The following MBNL2 variants were observed in gnomAD, a reference collection of about 807,000 sequenced individuals.
The protein encoded by MBNL2 is muscleblind-like protein 2.
MBNL2 carries 17 observed loss-of-function variants against 41.9 expected under a neutral mutation model. That is an observed-to-expected ratio of 0.41 (90% CI 0.28 to 0.61). MBNL2 has a LOEUF of 0.61. MBNL2 is among the 20% of genes least tolerant of loss of function. MBNL2 has a pLI of 0.35. For missense variants in MBNL2, 336 were observed against 505.6 expected (o/e 0.66, Z 3.22); for synonymous variants, 195 against 182.9 (o/e 1.07, Z -0.53).
At chr13:97,309,277 T>G (rs1221615322) in intron 2 of MBNL2, among the ~76,000 whole-genome samples, 1 of 152,184 alleles carries the variant, frequency 6.6e-6, no homozygotes, top group Non-Finnish European at 1.5e-5. Context: ...CAAGGGCAGT[T>G]GCATCACATC....
intron 8 of MBNL2, among the ~76,000 whole-genome samples, chr13:97,376,486 T>G (rs1228792648): frequency 2.0e-5 from 3 of 152,232 alleles, no homozygotes; most frequent in Non-Finnish European, 4.4e-5. Flanking sequence ...TGCTTTAGCA[T>G]CAAGAACAAA....
intron 8 of MBNL2, among the ~76,000 whole-genome samples, chr13:97,373,151 A>C (rs2064552736): frequency 6.6e-6 from 1 of 152,196 alleles, no homozygotes; most frequent in Non-Finnish European, 1.5e-5. Context: ...CAGATTACAG[A>C]AAGCAGCTGG....
the MBNL2 span, among the ~76,000 whole-genome samples, chr13:97,180,361 A>T: frequency 6.6e-6 from 1 of 152,200 alleles, no homozygotes; most frequent in South Asian, 2.1e-4. Context: ...ACCAGAAGTC[A>T]TTTGGATATA....
At chr13:97,305,044 T>C (rs1158833238) in intron 2 of MBNL2, among the ~76,000 whole-genome samples, 1 of 152,238 alleles carries the variant, frequency 6.6e-6, no homozygotes, top group Non-Finnish European at 1.5e-5. Context: ...TCTGTTGGGC[T>C]TTCTGCCCAT....
rs199606551 is a variant in MBNL2 at position 97,258,210 on chromosome 13, GT to G, written c.-604-17410del. Among the ~76,000 whole-genome samples the G allele has an allele frequency of 3.6e-3, 519 of 146,100 alleles. 2 individuals carry two copies. Among genetic ancestry groups the G allele is most frequent in the Middle Eastern group, 0.017 (5 of 288 alleles). Reference sequence around the variant, plus strand: ...ACAGAAGATATGCTTTGTTGCCAGGGTTTTTTTTTTTTAATTCCTCTGAACT... The same window carrying G: ...ACAGAAGATATGCTTTGTTGCCAGGGTTTTTTTTTTTAATTCCTCTGAACT... On this transcript the variant is annotated intron_variant, in intron 1 of 8. Transcript: ENST00000679496.
rs1360201870 is a variant in MBNL2, at chr13:97,390,720, C to T, written c.1049-602C>T. Among the ~76,000 whole-genome samples, 3 of 152,036 alleles carry T rather than the reference C, an allele frequency of 2.0e-5. No individual in the cohort carries two copies. The East Asian group carries it at 5.8e-4, about 29-fold the overall frequency. On this transcript the variant is annotated intron_variant, in intron 8 of 8. Transcript: ENST00000679496. ...GATGTATTAAGAACTTTTTAACTGCCTTAATAGACTGTTATCCCTTTTACT... is the reference window on the plus strand; with the variant it reads ...GATGTATTAAGAACTTTTTAACTGCTTTAATAGACTGTTATCCCTTTTACT...
At chr13:97,203,901 G>C in the MBNL2 span, among the ~76,000 whole-genome samples, 1 of 151,988 alleles carries the variant, frequency 6.6e-6, no homozygotes, top group African/African-American at 2.4e-5. Context: ...TGGATGGATG[G>C]ATGGATGGAT....
chr13:97,218,904 TAGAG>T (rs1226945961), upstream of MBNL2, among the ~76,000 whole-genome samples: 3 of 150,922 alleles, frequency 2.0e-5, no homozygotes, highest in Non-Finnish European at 3.0e-5. Context: ...GATTAGATGT[TAGAG>T]AGTCAATTGT....
intron 2 of MBNL2, among the ~76,000 whole-genome samples, chr13:97,306,486 AAACTCAT>A (rs2058138334): frequency 2.0e-5 from 3 of 152,238 alleles, no homozygotes; most frequent in Admixed American, 2.0e-4. Context: ...CTCTGAGAGC[AAACTCAT>A]GGTGGTCACT....
At chr13:97,161,246 C>T in the MBNL2 span, among the ~76,000 whole-genome samples, 3 of 152,192 alleles carry the variant, frequency 2.0e-5, no homozygotes, top group African/African-American at 7.2e-5. Context: ...AGTGCATACT[C>T]TGGTGGCTAA....
At chr13:97,158,875 G>A in the MBNL2 span, among the ~76,000 whole-genome samples, 3 of 151,796 alleles carry the variant, frequency 2.0e-5, no homozygotes, top group Non-Finnish European at 2.9e-5. Context: ...ATATTCTGTT[G>A]ATTTGGGGTG....
the MBNL2 span, among the ~76,000 whole-genome samples, chr13:97,204,136 G>A: frequency 9.8e-5 from 15 of 152,314 alleles, no homozygotes; most frequent in East Asian, 5.8e-4. Context: ...GGATTTACCC[G>A]AGACAGAGGC....
chr13:97,325,747 A>T (rs945871921), intron 2 of MBNL2, among the ~76,000 whole-genome samples: 1 of 152,196 alleles, frequency 6.6e-6, no homozygotes, highest in African/African-American at 2.4e-5. Flanking sequence ...AAAATAAAAA[A>T]TTTTTAAAAG....
At chr13:97,227,602 G>C (rs562728920) in intron 1 of MBNL2, among the ~76,000 whole-genome samples, 3 of 152,160 alleles carry the variant, frequency 2.0e-5, no homozygotes, top group African/African-American at 7.2e-5. Flanking sequence ...GGATGTGCTG[G>C]GTAAAGCTGC....
At chr13:97,376,346 C>T (rs1009101535) in intron 8 of MBNL2, among the ~76,000 whole-genome samples, 4 of 152,086 alleles carry the variant, frequency 2.6e-5, no homozygotes, top group Non-Finnish European at 5.9e-5. Context: ...TCCCATTGAC[C>T]ATAAAAAGGA....
intron 1 of MBNL2, among the ~76,000 whole-genome samples, chr13:97,239,831 T>C (rs1300666889): frequency 6.6e-6 from 1 of 152,220 alleles, no homozygotes; most frequent in Non-Finnish European, 1.5e-5. Flanking sequence ...TGGATTGACC[T>C]ATTTCTTTGC....
chr13:97,331,204 T>C (rs546305028), intron 2 of MBNL2, among the ~76,000 whole-genome samples: 2 of 152,256 alleles, frequency 1.3e-5, no homozygotes, highest in East Asian at 3.8e-4. Flanking sequence ...TACTATGTGC[T>C]AGGCATTTTT....
chr13:97,316,140 C>T (rs9556698), intron 2 of MBNL2, among the ~76,000 whole-genome samples: 106,611 of 151,992 alleles, frequency 0.7, 38,352 homozygotes, highest in East Asian at 0.92. Context: ...GCTTTCTGCA[C>T]CTCGACTGAT....
At chr13:97,355,975 T>A (rs2062946342) in intron 5 of MBNL2, among the ~76,000 whole-genome samples, 1 of 152,186 alleles carries the variant, frequency 6.6e-6, no homozygotes, top group African/African-American at 2.4e-5. Flanking sequence ...TTTTTTGAGA[T>A]AAATGAAATG....
Sources: gnomAD v4.1 joint callset for allele counts (sites outside exome capture counted in the v4.1 genomes callset) on GRCh38, gnomAD v4.1.1 for gene constraint, MANE v1.5 for transcripts, NCBI Gene and HGNC (gene_info 2026-07-23, HGNC 2026-07-21) for gene names.